IL20RB: variants seen among roughly 807,000 people sequenced by gnomAD.
The protein encoded by IL20RB is interleukin 20 receptor subunit beta, also known as interleukin-20 receptor subunit beta.
A neutral mutation model predicts 33.3 loss-of-function variants in IL20RB; 21 were observed. The ratio of observed to expected loss-of-function variants is 0.63; its 90% confidence interval spans 0.45 to 0.91. The LOEUF (loss-of-function observed/expected upper bound fraction) is 0.91. Among genes scored for constraint, IL20RB ranks in the 40% least tolerant of loss-of-function variants. The pLI, the probability that IL20RB is intolerant of heterozygous loss-of-function variation, is 0.00. For missense variants in IL20RB, 345 were observed against 384.8 expected, an observed-to-expected ratio of 0.90 and a Z score of 0.86; for synonymous variants, 147 against 146.8, an observed-to-expected ratio of 1.00 and a Z score of -0.01.
At chr3:136,970,541 A>G (rs1386807834) in intron 1 of IL20RB, among the ~76,000 whole-genome samples, 1 of 152,202 alleles carries the variant, frequency 6.6e-6, no homozygotes, top group Non-Finnish European at 1.5e-5. Context: ...AGTTTTAATT[A>G]CCATAAGTCC....
At chr3:136,958,236 G>T in intron 1 of IL20RB, 35 bp downstream of exon 1, 1 of 1,375,620 alleles carries the variant, frequency 7.3e-7, no homozygotes, top group Non-Finnish European at 1.0e-6. Context: ...AATAGTTTGG[G>T]CCTTGAATAT....
At chr3:137,009,184 G>A (rs1933014593) in intron 6 of IL20RB, among the ~76,000 whole-genome samples, 3 of 152,232 alleles carry the variant, frequency 2.0e-5, no homozygotes, top group Admixed American at 6.5e-5. Flanking sequence ...AGGAACTGAG[G>A]TGGAGGAAAC....
At chr3:136,979,035 T>G (rs1056381232) in intron 1 of IL20RB, among the ~76,000 whole-genome samples, 3 of 152,228 alleles carry the variant, frequency 2.0e-5, no homozygotes, top group Admixed American at 2.0e-4. Context: ...TAGGTTTATA[T>G]TCCCCAAATA....
intron 1 of IL20RB, among the ~76,000 whole-genome samples, chr3:136,973,146 T>C (rs1265459067): frequency 6.6e-6 from 1 of 152,134 alleles, no homozygotes; most frequent in Non-Finnish European, 1.5e-5. Flanking sequence ...CTAGTTTTAT[T>C]CCATTGTGCT....
chr3:136,999,766 T>G (rs879682389), intron 6 of IL20RB, among the ~76,000 whole-genome samples: 2 of 152,196 alleles, frequency 1.3e-5, no homozygotes, highest in African/African-American at 2.4e-5. Context: ...AGTCTGATTT[T>G]AGGCACGTCT....
At chr3:136,998,062 G>T (rs1942165969) in intron 6 of IL20RB, among the ~76,000 whole-genome samples, 1 of 151,328 alleles carries the variant, frequency 6.6e-6, no homozygotes, top group East Asian at 1.9e-4. Context: ...GAGCCACTGT[G>T]CCTGGCCTCC....
At chr3:136,994,678 T>G (rs1171999065) in intron 5 of IL20RB, among the ~76,000 whole-genome samples, 1 of 152,186 alleles carries the variant, frequency 6.6e-6, no homozygotes, top group Non-Finnish European at 1.5e-5. Context: ...TCCCCTCTTC[T>G]GCATCTCCAG....
At chr3:137,009,687 G>C (rs1471384987) in intron 6 of IL20RB, among the ~76,000 whole-genome samples, 1 of 152,092 alleles carries the variant, frequency 6.6e-6, no homozygotes, top group Non-Finnish European at 1.5e-5. Flanking sequence ...CCACAGACAT[G>C]TGCCACCATG....
chr3:136,962,880 A>G lies in IL20RB; in HGVS notation c.88+4679A>G, dbSNP rs935598099. ...TGGATTTTGGCCAAAAAAAAAAAAA[A>G]AAAAAGCATTAGGGGAAAAACTGAT... On this transcript the variant is annotated intron_variant, in intron 1 of 6. Transcript: ENST00000329582. 2.6e-4 allele frequency among the ~76,000 whole-genome samples: 40 copies of G among 151,996 alleles called. 1 individual carries two copies. The highest frequency in any genetic ancestry group is 8.4e-4 in the African/African-American group (35 of 41,520).
At chr3:137,001,604 GA>G (rs1316676414) in intron 6 of IL20RB, among the ~76,000 whole-genome samples, 1 of 152,120 alleles carries the variant, frequency 6.6e-6, no homozygotes, top group Non-Finnish European at 1.5e-5. Flanking sequence ...TTACCAATCA[GA>G]AATCCTTGAC....
In IL20RB at chr3:136,992,095, A is replaced by T. The variant is rs1295027952; in HGVS notation, c.682+7A>T. 2.5e-6 allele frequency: 4 copies of T among 1,613,652 alleles called. No homozygotes were observed. In the African/African-American group the frequency reaches 4.0e-5, roughly 16 times the overall value. ...GAATGTGTGGAGGTGCAAGGTAAGG[A>T]TGGCTTCTCTGTCCCTGGAGCCCTG... On this transcript the variant is annotated splice_region_variant and intron_variant, in intron 5 of 6. Coordinates refer to ENST00000329582, the MANE Select transcript of IL20RB (RefSeq NM_144717.4).
chr3:136,995,472 T>C lies in IL20RB; in HGVS notation c.741T>C (p.Leu247=), dbSNP rs1002401649. 6 of 1,614,058 alleles carry C rather than the reference T, an allele frequency of 3.7e-6. No individual in the cohort carries two copies. In the African/African-American group the frequency reaches 6.7e-5, roughly 18 times the overall value. The part of the protein sequence containing the change: ...LFAFVGFMLI[L]VVVPLFVWKM... ...CCTTTGTTGGCTTCATGCTGATCCT[T>C]GTGGTCGTGCCACTGTTCGTCTGGA... The change falls in exon 6 of 7, where the codon CTT becomes CTC. Residue 247 remains leucine (L), a synonymous_variant. Coordinates refer to ENST00000329582, the MANE Select transcript of IL20RB (RefSeq NM_144717.4).
intron 3 of IL20RB, among the ~76,000 whole-genome samples, chr3:136,987,773 C>T (rs1047116967): frequency 1.3e-5 from 2 of 152,344 alleles, no homozygotes; most frequent in East Asian, 1.9e-4. Flanking sequence ...TCTAGCACGG[C>T]GCCGGTGGGC....
intron 6 of IL20RB, among the ~76,000 whole-genome samples, chr3:137,008,744 A>G (rs1933002899): frequency 6.6e-6 from 1 of 152,200 alleles, no homozygotes; most frequent in African/African-American, 2.4e-5. Context: ...ATAAAACAAG[A>G]ATATAAAATA....
chr3:137,010,026 A>G, intron 6 of IL20RB, 87 bp from the exon 7 acceptor site: 1 of 712,806 alleles, frequency 1.4e-6, no homozygotes, highest in Non-Finnish European at 2.4e-6. Flanking sequence ...GAAATTAATT[A>G]ATCAAATAGT....
rs143423722 is a variant in IL20RB, at chr3:137,008,871, C to T, written c.826-1242C>T. On this transcript the variant is annotated intron_variant, in intron 6 of 6. Coordinates refer to ENST00000329582, the MANE Select transcript of IL20RB (RefSeq NM_144717.4). ...TTCTTTTTACTTTTAAAATGTGCTA[C>T]GAGATTTTAAAAATTGCATATGTGA... 5.8e-3 allele frequency among the ~76,000 whole-genome samples: 886 copies of T among 152,134 alleles called. 7 individuals are homozygous for T. The highest frequency in any genetic ancestry group is 9.2e-3 in the Non-Finnish European group (627 of 68,008).
chr3:136,961,361 TG>T (rs1941212179), intron 1 of IL20RB, among the ~76,000 whole-genome samples: 1 of 152,084 alleles, frequency 6.6e-6, no homozygotes, highest in African/African-American at 2.4e-5. Context: ...TCTAGATTTG[TG>T]GTTCCCAACC....
intron 6 of IL20RB, among the ~76,000 whole-genome samples, chr3:136,998,812 C>T (rs2108215723): frequency 6.6e-6 from 1 of 152,144 alleles, no homozygotes; most frequent in South Asian, 2.1e-4. Flanking sequence ...GCGAGAGCCA[C>T]TGCACCCAGC....
chr3:136,982,322 C>G lies in IL20RB; in HGVS notation c.378C>G (p.Ile126Met), dbSNP rs549670601. 1 of 1,599,436 alleles carries G rather than the reference C, an allele frequency of 6.3e-7. No homozygotes were observed. Among genetic ancestry groups the G allele is most frequent in the African/African-American group, 1.3e-5 (1 of 74,796 alleles). Residue 126 changes from isoleucine to methionine, a missense_variant, in exon 3 of 7, where the codon ATC becomes ATG. Transcript: ENST00000329582. ...GCTCACAGACCTCAGCCTGGAGCATCCTGAAGCATCCCTTTAATAGAAACT... is the reference window on the plus strand; with the variant it reads ...GCTCACAGACCTCAGCCTGGAGCATGCTGAAGCATCCCTTTAATAGAAACT... ...TLGSQTSAWS[I>M]LKHPFNRNST...
Sources: gnomAD v4.1 joint callset for allele counts (sites outside exome capture counted in the v4.1 genomes callset) on GRCh38, gnomAD v4.1.1 for gene constraint, MANE v1.5 for transcripts, NCBI Gene and HGNC (gene_info 2026-07-23, HGNC 2026-07-21) for gene names.